The following USP34 variants were observed in gnomAD, a reference collection of about 807,000 sequenced individuals.
USP34 encodes ubiquitin specific peptidase 34.
In USP34, 70 loss-of-function variants were observed where a neutral mutation model predicts 460.3. That is an observed-to-expected ratio of 0.15 (90% confidence interval 0.13 to 0.19). The LOEUF (loss-of-function observed/expected upper bound fraction) is 0.19, where lower values mean the gene tolerates loss of function less well. Among genes scored for constraint, USP34 ranks in the 10% least tolerant of loss-of-function variants. The probability of loss-of-function intolerance (pLI) is 1.00; values close to 1 mark genes in which losing one functional copy is unlikely to be tolerated. For missense variants in USP34, 3,985 were observed against 4,236.2 expected (o/e 0.94, Z 1.65); for synonymous variants, 1,647 against 1,405.3 (o/e 1.17, Z -3.85).
At chr2:61,463,388 CTTAT>C (rs1245378373) in intron 1 of USP34, among the ~76,000 whole-genome samples, 2 of 152,132 alleles carry the variant, frequency 1.3e-5, no homozygotes, top group East Asian at 3.8e-4. Context: ...TTCAGCTATA[CTTAT>C]TACCACTTTT....
rs1296106596 is a variant in USP34 at position 61,206,005 on chromosome 2, C to A, written c.9154+12G>T. 6.3e-7 allele frequency: 1 copy of A among 1,595,720 alleles called. No homozygotes were observed. The highest frequency in any genetic ancestry group is 8.6e-7 in the Non-Finnish European group (1 of 1,165,660). The stretch of plus-strand genomic sequence containing the variant: ...TAGGTTTTTACACGGGTGAATTTTT[C>A]AAGTAACTTACCTATACAGGCATTT... On this transcript the variant is annotated intron_variant, in intron 72 of 79. Coordinates refer to ENST00000398571, the MANE Select transcript of USP34 (RefSeq NM_014709.4).
intron 27 of USP34, among the ~76,000 whole-genome samples, chr2:61,309,947 C>CCCTTTTTCTTTATCCACTAGG: frequency 6.6e-6 from 1 of 152,212 alleles, no homozygotes; most frequent in Non-Finnish European, 1.5e-5. Context: ...AGCTACATGT[C>CCCTTTTTCTTTATCCACTAGG]CCTTTTTCTT....
intron 58 of USP34, among the ~76,000 whole-genome samples, chr2:61,231,725 A>G (rs1687911426): frequency 6.6e-6 from 1 of 152,016 alleles, no homozygotes; most frequent in South Asian, 2.1e-4. Flanking sequence ...AAACAAAACA[A>G]AACAAAATTA....
At chr2:61,283,970 G>A (rs1488346354) in intron 35 of USP34, among the ~76,000 whole-genome samples, 1 of 152,062 alleles carries the variant, frequency 6.6e-6, no homozygotes, top group Non-Finnish European at 1.5e-5. Flanking sequence ...AAGTCAAAGG[G>A]TATGAAGTTC....
intron 49 of USP34, 75 bp downstream of exon 49, chr2:61,248,435 CA>C: frequency 7.0e-7 from 1 of 1,437,484 alleles, no homozygotes; most frequent in South Asian, 1.5e-5. Context: ...TAGTTGATGA[CA>C]ACTTTATAAT....
Position 61,236,047 on chromosome 2 carries a change from T to G in USP34, c.6945A>C (p.Thr2315=). 6.2e-7 allele frequency: 1 copy of G among 1,606,954 alleles called. No homozygotes were observed. The highest frequency in any genetic ancestry group is 8.5e-7 in the Non-Finnish European group (1 of 1,178,326). The change falls in exon 56 of 80, where the codon ACA becomes ACC. Residue 2315 remains threonine (T), a synonymous_variant. Transcript: ENST00000398571. ...AKLSTSFVLE[T]FIHSKEKPTM... The stretch of plus-strand genomic sequence containing the variant: ...ATACCTTTTCTTTAGAATGAATAAA[T>G]GTCTCTAGGACAAAGGAAGTGCTTA...
At chr2:61,334,558 A>G (rs1286259034) in intron 18 of USP34, among the ~76,000 whole-genome samples, 1 of 152,190 alleles carries the variant, frequency 6.6e-6, no homozygotes, top group Non-Finnish European at 1.5e-5. Context: ...AACTAAACTT[A>G]TTTTAATCTT....
chr2:61,220,531 T>C (rs2103807581), intron 66 of USP34, 74 bp from the exon 67 acceptor site: 2 of 1,380,658 alleles, frequency 1.4e-6, no homozygotes, highest in Non-Finnish European at 1.9e-6. Context: ...TTTTTGTATA[T>C]GCTATTAGAC....
chr2:61,355,628 CAACAACA>C lies in USP34; in HGVS notation c.1252-4942_1252-4936del, dbSNP rs1322349432. Among the ~76,000 whole-genome samples the C allele has an allele frequency of 2.0e-5, 3 of 151,960 alleles. No homozygotes were observed. In the East Asian group the frequency reaches 5.8e-4, roughly 29 times the overall value. ...ACTACAAAAACAACAACAACAACAA[CAACAACA>C]AACAAACACAAACCACCAAAACAAC... On this transcript the variant is annotated intron_variant, in intron 10 of 79. Transcript: ENST00000398571.
chr2:61,301,335 C>T lies in USP34; in HGVS notation c.3918+19G>A, dbSNP rs184965843. 10 of 1,607,926 alleles carry T rather than the reference C, an allele frequency of 6.2e-6. No individual in the cohort carries two copies. The highest frequency in any genetic ancestry group is 4.5e-5 in the South Asian group (4 of 89,714). On this transcript the variant is annotated intron_variant, in intron 28 of 79. Coordinates refer to ENST00000398571, the MANE Select transcript of USP34 (RefSeq NM_014709.4). Reference sequence around the variant, plus strand: ...TATAAACAGATCATTAAAACTCAAACCACGTTTTATATATGTACCTGCATA... The same window carrying T: ...TATAAACAGATCATTAAAACTCAAATCACGTTTTATATATGTACCTGCATA...
At chr2:61,429,942 G>A (rs960131679) in intron 1 of USP34, among the ~76,000 whole-genome samples, 11 of 150,558 alleles carry the variant, frequency 7.3e-5, no homozygotes, top group South Asian at 4.2e-4. Flanking sequence ...GGCTGGGCGC[G>A]GTGGCTCACG....
At position 61,452,369 on chromosome 2, in the gene USP34, G is replaced by C. The variant is rs1448909807; in HGVS notation, c.43+18281C>G. Reference sequence around the variant, plus strand: ...AGACAGAGTCTCACTCTGTCACCCAGGCTAGAGTGTAGTGGCGCGATCTCA... The same window carrying C: ...AGACAGAGTCTCACTCTGTCACCCACGCTAGAGTGTAGTGGCGCGATCTCA... On this transcript the variant is annotated intron_variant, in intron 1 of 79. Coordinates refer to ENST00000398571, the MANE Select transcript of USP34 (RefSeq NM_014709.4). Among the ~76,000 whole-genome samples the C allele has an allele frequency of 3.9e-4, 51 of 129,202 alleles. 1 individual carries two copies. The highest frequency in any genetic ancestry group is 1.5e-3 in the African/African-American group (51 of 34,132). 84.8% of individuals were successfully genotyped at this position (129,202 alleles called of 152,430 possible).
At chr2:61,458,371 G>C (rs1217842615) in intron 1 of USP34, among the ~76,000 whole-genome samples, 2 of 151,770 alleles carry the variant, frequency 1.3e-5, no homozygotes, top group Non-Finnish European at 2.9e-5. Context: ...GAGAAGCCTG[G>C]CCAACATGGT....
chr2:61,229,338 A>G (rs982309060), intron 59 of USP34, among the ~76,000 whole-genome samples: 2 of 151,800 alleles, frequency 1.3e-5, no homozygotes, highest in Non-Finnish European at 2.9e-5. Flanking sequence ...CTTAAAAATT[A>G]GGGCTAAGCA....
In USP34 at chr2:61,296,962, T is replaced by C. The variant is rs766813649; in HGVS notation, c.4129-37A>G. ...AGAACAACTACTTTATCAAAACAGA[T>C]CAGAAAAGAAAAAGTTTTAAGTTCA... On this transcript the variant is annotated intron_variant, in intron 29 of 79. Transcript: ENST00000398571. 7.7e-6 allele frequency: 12 copies of C among 1,559,398 alleles called. No individual in the cohort carries two copies. The Admixed American group carries it at 2.6e-4, about 33-fold the overall frequency.
intron 67 of USP34, 96 bp downstream of exon 67, chr2:61,220,214 A>G: frequency 1.0e-6 from 1 of 996,108 alleles, no homozygotes; most frequent in South Asian, 2.5e-5. Context: ...TTCGTAGTAT[A>G]CAACAATGGG....
At chr2:61,235,548 C>T (rs1355949844) in intron 57 of USP34, among the ~76,000 whole-genome samples, 3 of 151,842 alleles carry the variant, frequency 2.0e-5, no homozygotes, top group Non-Finnish European at 4.4e-5. Context: ...ATGGGCTCGA[C>T]CTCTTGATCT....
chr2:61,335,346 T>C (rs1359088221), intron 18 of USP34, among the ~76,000 whole-genome samples: 1 of 152,222 alleles, frequency 6.6e-6, no homozygotes, highest in Admixed American at 6.5e-5. Context: ...GGAAGTGTTA[T>C]AGTCAAACTT....
intron 71 of USP34, 83 bp from the exon 72 acceptor site, chr2:61,206,207 C>G: frequency 8.7e-7 from 1 of 1,147,460 alleles, no homozygotes; most frequent in Non-Finnish European, 1.3e-6. Context: ...CTACAGAATG[C>G]TAATGCTAGA....
Sources: allele counts gnomAD v4.1 joint callset (sites outside exome capture counted in the v4.1 genomes callset), GRCh38; gene constraint gnomAD v4.1.1; transcripts MANE v1.5; gene names NCBI Gene and HGNC (gene_info 2026-07-23, HGNC 2026-07-21).